MALRD1: variants seen among roughly 807,000 people sequenced by gnomAD.
The protein encoded by MALRD1 is MAM and LDL-receptor class A domain-containing protein 1.
A neutral mutation model predicts 242.1 loss-of-function variants in MALRD1; 247 were observed. That is an observed-to-expected ratio of 1.02 (90% CI 0.92 to 1.13). The LOEUF (loss-of-function observed/expected upper bound fraction) is 1.13. Ranked by LOEUF, MALRD1 falls within the 50% of genes most tolerant of loss-of-function variation. The pLI, the probability that MALRD1 is intolerant of heterozygous loss-of-function variation, is 0.00. For missense variants in MALRD1, 2,989 were observed against 2,533.1 expected (o/e 1.18, Z -3.86); for synonymous variants, 995 against 866.6 (o/e 1.15, Z -2.60).
intron 36 of MALRD1, among the ~76,000 whole-genome samples, chr10:19,664,886 T>C (rs2131742292): frequency 6.6e-6 from 1 of 152,258 alleles, no homozygotes; most frequent in Non-Finnish European, 1.5e-5. Flanking sequence ...TCATTAGAAA[T>C]ATTATCGTCA....
intron 4 of MALRD1, among the ~76,000 whole-genome samples, chr10:19,097,251 A>G (rs1021586778): frequency 1.2e-4 from 18 of 152,184 alleles, no homozygotes; most frequent in Non-Finnish European, 2.4e-4. Context: ...ACTCTAGGGT[A>G]GTTTGATTTC....
At chr10:19,051,752 C>G (rs1396665636) in intron 1 of MALRD1, 1 of 155,482 alleles carries the variant, frequency 6.4e-6, no homozygotes, top group Non-Finnish European at 1.4e-5. Flanking sequence ...GAAACCCCGT[C>G]TCTATTAAAA....
intron 33 of MALRD1, among the ~76,000 whole-genome samples, chr10:19,578,669 G>C (rs1017143416): frequency 6.6e-6 from 1 of 152,046 alleles, no homozygotes; most frequent in African/African-American, 2.4e-5. Flanking sequence ...TCCAGCCTGG[G>C]GGACAGAAAA....
intron 38 of MALRD1, among the ~76,000 whole-genome samples, chr10:19,707,170 T>G (rs534250545): frequency 1.8e-4 from 27 of 151,752 alleles, no homozygotes; most frequent in South Asian, 1.5e-3. Context: ...TTCTTCTTCG[T>G]CCTCCTCCTC....
At chr10:19,095,763 G>A (rs970830035) in intron 4 of MALRD1, among the ~76,000 whole-genome samples, 2 of 152,072 alleles carry the variant, frequency 1.3e-5, no homozygotes, top group African/African-American at 4.8e-5. Flanking sequence ...GTTATTAACC[G>A]CTGGAGAAGT....
intron 10 of MALRD1, among the ~76,000 whole-genome samples, chr10:19,140,072 A>G (rs1404165091): frequency 6.6e-6 from 1 of 152,228 alleles, no homozygotes; most frequent in African/African-American, 2.4e-5. Context: ...TTTGTAATGT[A>G]TATTAACACA....
intron 1 of MALRD1, among the ~76,000 whole-genome samples, chr10:19,049,392 G>A (rs886319538): frequency 3.3e-5 from 5 of 152,112 alleles, no homozygotes; most frequent in Non-Finnish European, 5.9e-5. Flanking sequence ...TGAAGAAGGA[G>A]TGCTAAACAA....
At chr10:19,077,750 A>G (rs1835361549) in intron 2 of MALRD1, among the ~76,000 whole-genome samples, 1 of 151,946 alleles carries the variant, frequency 6.6e-6, no homozygotes, top group Admixed American at 6.6e-5. Flanking sequence ...TTCCCGCTCC[A>G]GATTCAGACA....
intron 32 of MALRD1, among the ~76,000 whole-genome samples, chr10:19,533,814 C>T (rs566817684): frequency 4.6e-4 from 70 of 152,284 alleles, no homozygotes; most frequent in African/African-American, 1.5e-3. Context: ...GAGATTTGGA[C>T]GGGGTCAAAT....
Position 19,202,103 on chromosome 10 carries a change from G to C in MALRD1, c.1952-1625G>C, listed in dbSNP as rs879374346. ...TATTGGAATTACAGGTGTGAGCCAC[G>C]GCGCCCGACTGAGAAAACTTTACTC... On this transcript the variant is annotated intron_variant, in intron 14 of 39. Transcript: ENST00000454679. Among the ~76,000 whole-genome samples, 8 of 152,058 alleles carry C rather than the reference G, an allele frequency of 5.3e-5. No individual in the cohort carries two copies. In the East Asian group the frequency reaches 1.5e-3, roughly 29 times the overall value.
In MALRD1 at chr10:19,238,577, G is replaced by A. The variant is rs372548669; in HGVS notation, c.2992-19107G>A. On this transcript the variant is annotated intron_variant, in intron 18 of 39. Transcript: ENST00000454679. ...GTATATTATATATAATATACATAAT[G>A]TATATTATATATATATAATTCACTT... 3.4e-3 allele frequency among the ~76,000 whole-genome samples: 219 copies of A among 63,994 alleles called. 4 individuals carry two copies. The highest frequency in any genetic ancestry group is 0.011 in the African/African-American group (212 of 18,826). The allele number at this position is 63,994 out of a possible 152,430, so 42.0% of individuals were successfully genotyped here. A position where few individuals can be genotyped will look rare whatever the true frequency, so the allele number is the denominator to read the frequency against.
chr10:19,578,432 C>A (rs1836936959), intron 33 of MALRD1, among the ~76,000 whole-genome samples: 1 of 152,136 alleles, frequency 6.6e-6, no homozygotes, highest in Admixed American at 6.5e-5. Flanking sequence ...TGGCTCATGC[C>A]TGTAATTCCA....
intron 34 of MALRD1, among the ~76,000 whole-genome samples, chr10:19,600,874 T>C (rs1206053715): frequency 2.6e-5 from 4 of 152,104 alleles, no homozygotes; most frequent in African/African-American, 9.7e-5. Context: ...ATGAAATAAC[T>C]ATTTTTGTTT....
At chr10:19,697,462 A>C (rs568434154) in intron 38 of MALRD1, among the ~76,000 whole-genome samples, 2 of 151,502 alleles carry the variant, frequency 1.3e-5, no homozygotes, top group African/African-American at 4.8e-5. Flanking sequence ...ATCATGTCTG[A>C]AAACTACCTC....
chr10:19,619,930 T>A (rs1839328230), intron 36 of MALRD1, among the ~76,000 whole-genome samples: 1 of 151,888 alleles, frequency 6.6e-6, no homozygotes, highest in Non-Finnish European at 1.5e-5. Flanking sequence ...GGCAGGAGGA[T>A]TGATTGAGCC....
chr10:19,470,454 C>G (rs1050302039), intron 29 of MALRD1, among the ~76,000 whole-genome samples: 5 of 151,922 alleles, frequency 3.3e-5, no homozygotes, highest in Non-Finnish European at 7.4e-5. Flanking sequence ...GGGATATATA[C>G]CCAGAAGTAG....
intron 32 of MALRD1, among the ~76,000 whole-genome samples, chr10:19,544,401 T>C (rs994950335): frequency 8.5e-5 from 13 of 152,092 alleles, no homozygotes; most frequent in African/African-American, 3.1e-4. Flanking sequence ...TTGGCCAGGC[T>C]GGTCTCGAAC....
At chr10:19,467,718 T>G (rs576376140) in intron 29 of MALRD1, among the ~76,000 whole-genome samples, 7 of 151,936 alleles carry the variant, frequency 4.6e-5, no homozygotes, top group South Asian at 2.1e-4. Context: ...AACAACGTTT[T>G]TTCCCTTTAC....
chr10:19,554,329 AGGAG>A (rs1835618954), intron 32 of MALRD1, among the ~76,000 whole-genome samples: 2 of 152,068 alleles, frequency 1.3e-5, no homozygotes, highest in Non-Finnish European at 2.9e-5. Context: ...TGCTGAGAGC[AGGAG>A]CAAGAGGTGG....
Sources: gnomAD v4.1 joint callset for allele counts (sites outside exome capture counted in the v4.1 genomes callset) on GRCh38, gnomAD v4.1.1 for gene constraint, MANE v1.5 for transcripts, NCBI Gene and HGNC (gene_info 2026-07-23, HGNC 2026-07-21) for gene names.